The following GPHN variants were observed in gnomAD, a reference collection of about 807,000 sequenced individuals.
The protein encoded by GPHN is gephyrin.
GPHN carries 17 observed loss-of-function variants against 95.5 expected under a neutral mutation model. That is an observed-to-expected ratio of 0.18 (90% CI 0.12 to 0.27). The LOEUF (loss-of-function observed/expected upper bound fraction) is 0.27. Ranked by LOEUF, GPHN falls within the 10% of genes least tolerant of loss-of-function variation. The pLI is 1.00. For missense variants in GPHN, 660 were observed against 978.1 expected (o/e 0.67, Z 4.34); for synonymous variants, 320 against 322.5 (o/e 0.99, Z 0.08).
At chr14:67,590,109 GT>G in the GPHN span, 1 of 1,551,126 alleles carries the variant, frequency 6.4e-7, no homozygotes, top group Non-Finnish European at 8.7e-7. Context: ...GCTTTCTGGT[GT>G]GCCAGGATCT....
the GPHN span, among the ~76,000 whole-genome samples, chr14:67,453,507 C>G: frequency 6.6e-6 from 1 of 152,228 alleles, no homozygotes; most frequent in African/African-American, 2.4e-5. Context: ...TTAGGTCTGG[C>G]TGTCGCCTTC....
intron 3 of GPHN, among the ~76,000 whole-genome samples, chr14:66,809,612 C>G (rs978258970): frequency 3.3e-5 from 5 of 152,150 alleles, no homozygotes; most frequent in Non-Finnish European, 7.4e-5. Flanking sequence ...TTAGGAGTCT[C>G]TATGGCATAC....
intron 3 of GPHN, among the ~76,000 whole-genome samples, chr14:66,795,379 C>G (rs116614618): frequency 0.01 from 1,552 of 152,108 alleles, 20 homozygotes; most frequent in African/African-American, 0.034. Context: ...TTTCCTGAAA[C>G]TTGTTTTGCA....
intron 8 of GPHN, among the ~76,000 whole-genome samples, chr14:66,963,402 A>G (rs2069094798): frequency 6.6e-6 from 1 of 152,070 alleles, no homozygotes; most frequent in African/African-American, 2.4e-5. Context: ...TTCATTAGAT[A>G]TTGGACATAA....
the GPHN span, chr14:67,392,990 A>G: frequency 3.4e-6 from 3 of 870,252 alleles, no homozygotes; most frequent in African/African-American, 1.7e-5. Context: ...CACCTGCTGC[A>G]TAGAGCCGTG....
chr14:67,472,953 G>A, the GPHN span: 1 of 173,144 alleles, frequency 5.8e-6, no homozygotes, highest in Admixed American at 5.5e-5. Flanking sequence ...CAGCTCAGCA[G>A]GCCCCTGGGG....
the GPHN span, chr14:67,662,440 C>T: frequency 6.3e-7 from 1 of 1,577,768 alleles, no homozygotes; most frequent in Non-Finnish European, 8.7e-7. Flanking sequence ...AAGACCAACA[C>T]CAGGTAGAAG....
rs553264507 is a variant in GPHN, at chr14:66,879,827, G to T, written c.295-112G>T. The T allele has an allele frequency of 7.1e-5, 52 of 731,568 alleles. No individual in the cohort carries two copies. The African/African-American group carries it at 8.7e-4, about 12-fold the overall frequency. The allele number at this position is 731,568 out of a possible 1,614,324, so 45.3% of individuals were successfully genotyped here. ...AAGATAAATGTTTCAGAAACTAAAA[G>T]TATGGTTATTGAAAGCCTGGTTTAT... is the stretch of plus-strand genomic sequence containing the variant. On this transcript the variant is annotated intron_variant, in intron 4 of 22. Coordinates refer to ENST00000478722, the MANE Select transcript of GPHN (RefSeq NM_020806.5).
the GPHN span, among the ~76,000 whole-genome samples, chr14:67,484,200 A>G: frequency 3.3e-5 from 5 of 152,120 alleles, no homozygotes; most frequent in African/African-American, 1.2e-4. Flanking sequence ...TCTCTCCTCA[A>G]CTAGAATGAA....
intron 4 of GPHN, among the ~76,000 whole-genome samples, chr14:66,869,488 C>A (rs926395286): frequency 1.3e-5 from 2 of 152,152 alleles, no homozygotes. Context: ...ATCTTCCAGT[C>A]CCCATCTCAT....
intron 1 of GPHN, among the ~76,000 whole-genome samples, chr14:66,661,141 C>A (rs183804955): frequency 1.6e-3 from 238 of 152,256 alleles, no homozygotes; most frequent in African/African-American, 5.5e-3. Context: ...GGATCTGAAT[C>A]CAGGGGGCTA....
At chr14:66,805,871 A>T (rs1340764016) in intron 3 of GPHN, among the ~76,000 whole-genome samples, 1 of 152,024 alleles carries the variant, frequency 6.6e-6, no homozygotes, top group African/African-American at 2.4e-5. Flanking sequence ...ACCAGATTTC[A>T]TTGGATCTAT....
chr14:67,419,590 C>T, the GPHN span, among the ~76,000 whole-genome samples: 45 of 152,262 alleles, frequency 3.0e-4, no homozygotes, highest in East Asian at 7.5e-3. Context: ...AGGCGGGGGG[C>T]GGTGGCTCAC....
chr14:67,527,260 T>C, the GPHN span, among the ~76,000 whole-genome samples: 2 of 152,204 alleles, frequency 1.3e-5, 1 homozygote, highest in Non-Finnish European at 2.9e-5. Context: ...GCCATGACAC[T>C]TGGTCTTCGT....
chr14:66,557,853 A>T (rs182222105), intron 1 of GPHN, among the ~76,000 whole-genome samples: 21 of 152,270 alleles, frequency 1.4e-4, no homozygotes, highest in Non-Finnish European at 2.5e-4. Context: ...TTATTATATG[A>T]GTTATTAATA....
the GPHN span, chr14:67,656,365 G>C: frequency 6.8e-7 from 1 of 1,469,986 alleles, no homozygotes; most frequent in Non-Finnish European, 9.1e-7. Context: ...CAGGTGCAGT[G>C]GCCCCCTAAT....
chr14:67,542,086 C>T, the GPHN span: 2 of 1,193,754 alleles, frequency 1.7e-6, no homozygotes, highest in Non-Finnish European at 2.3e-6. Context: ...GGAAAGTCAA[C>T]TTTCAGTAAG....
chr14:66,673,273 T>C (rs1474529825), intron 1 of GPHN, among the ~76,000 whole-genome samples: 8 of 151,800 alleles, frequency 5.3e-5, no homozygotes, highest in African/African-American at 1.9e-4. Context: ...TTTGTATTTT[T>C]AGTAGAGATG....
At chr14:67,567,781 G>A in the GPHN span, among the ~76,000 whole-genome samples, 1 of 152,180 alleles carries the variant, frequency 6.6e-6, no homozygotes, top group Non-Finnish European at 1.5e-5. Flanking sequence ...CCAGGTGACA[G>A]CACATCTAGC....
Sources: gnomAD v4.1 joint callset for allele counts (sites outside exome capture counted in the v4.1 genomes callset) on GRCh38, gnomAD v4.1.1 for gene constraint, MANE v1.5 for transcripts, NCBI Gene and HGNC (gene_info 2026-07-23, HGNC 2026-07-21) for gene names.